Variants in TNN observed in about 807,000 individuals in gnomAD.
TNN encodes the protein tenascin-N.
A neutral mutation model predicts 134.4 loss-of-function variants in TNN; 122 were observed. That is an observed-to-expected ratio of 0.91 (90% CI 0.78 to 1.06). TNN has a LOEUF of 1.06. Ranked by LOEUF, TNN falls within the 50% of genes least tolerant of loss-of-function variation. The pLI is 0.00. For synonymous variants in TNN, 710 were observed against 670.3 expected, an observed-to-expected ratio of 1.06 and a Z score of -0.91; for missense variants, 1,739 against 1,699.4, an observed-to-expected ratio of 1.02 and a Z score of -0.41.
rs767531767 is a variant in TNN at position 175,112,598 on chromosome 1, C to CTTTTTTTTTTTTTTTTTTTTTTT, written c.2120-4326_2120-4304dup. ...TTAAAGATCCATTCAGCCGGCCGATCTTTTTTTTTTTTTTTTTTTTTTTTT... is the reference window on the plus strand; with the variant it reads ...TTAAAGATCCATTCAGCCGGCCGATCTTTTTTTTTTTTTTTTTTTTTTTTTTTTTTTTTTTTTTTTTTTTTTTT... On this transcript the variant is annotated intron_variant, in intron 9 of 18. Transcript: ENST00000239462. 1.4e-3 allele frequency among the ~76,000 whole-genome samples: 30 copies of CTTTTTTTTTTTTTTTTTTTTTTT among 21,990 alleles called. 10 individuals carry two copies. Among genetic ancestry groups the CTTTTTTTTTTTTTTTTTTTTTTT allele is most frequent in the Non-Finnish European group, 1.6e-3 (19 of 12,004 alleles). The allele number at this position is 21,990 out of a possible 152,430, so 14.4% of individuals were successfully genotyped here. A position where few individuals can be genotyped will look rare whatever the true frequency, so the allele number is the denominator to read the frequency against.
chr1:175,096,256 A>G (rs548295734), intron 7 of TNN, among the ~76,000 whole-genome samples: 3 of 152,324 alleles, frequency 2.0e-5, no homozygotes, highest in East Asian at 3.9e-4. Flanking sequence ...CAGTGGAGGC[A>G]GCATATGCAG....
intron 15 of TNN, among the ~76,000 whole-genome samples, chr1:175,135,406 G>C (rs1675773768): frequency 6.6e-6 from 1 of 152,050 alleles, no homozygotes; most frequent in Non-Finnish European, 1.5e-5. Context: ...AGAATCAGGT[G>C]AATTAAAAAA....
chr1:175,138,142 A>G (rs904824196), intron 17 of TNN, among the ~76,000 whole-genome samples: 2 of 152,086 alleles, frequency 1.3e-5, no homozygotes, highest in African/African-American at 4.8e-5. Flanking sequence ...GTACTCAAGG[A>G]CCCCTGATGG....
intron 18 of TNN, among the ~76,000 whole-genome samples, chr1:175,146,242 T>C (rs949976084): frequency 9.8e-5 from 15 of 152,290 alleles, no homozygotes; most frequent in South Asian, 8.3e-4. Context: ...CCCTGAACCA[T>C]CCCATATTTG....
intron 9 of TNN, among the ~76,000 whole-genome samples, chr1:175,108,991 T>A (rs1015643710): frequency 6.6e-6 from 1 of 151,514 alleles, no homozygotes; most frequent in African/African-American, 2.4e-5. Context: ...AAGTGAGGGC[T>A]CTGAGGACTG....
intron 11 of TNN, among the ~76,000 whole-genome samples, chr1:175,119,548 A>C (rs1675288964): frequency 6.6e-6 from 1 of 151,498 alleles, no homozygotes; most frequent in Non-Finnish European, 1.5e-5. Context: ...CCCAGTTCCT[A>C]TTCAAGATGG....
chr1:175,140,781 G>A (rs184017017), intron 17 of TNN, among the ~76,000 whole-genome samples: 25 of 152,226 alleles, frequency 1.6e-4, no homozygotes, highest in African/African-American at 5.1e-4. Flanking sequence ...TATCATTCCC[G>A]CTTTTAAATT....
chr1:175,080,877 A>G (rs758588884), intron 4 of TNN, among the ~76,000 whole-genome samples: 5 of 152,218 alleles, frequency 3.3e-5, no homozygotes, highest in Non-Finnish European at 7.3e-5. Context: ...CAGATTGTTC[A>G]CAAAGGTGTG....
At chr1:175,141,722 G>A (rs1397011495) in intron 17 of TNN, among the ~76,000 whole-genome samples, 1 of 152,150 alleles carries the variant, frequency 6.6e-6, no homozygotes, top group Non-Finnish European at 1.5e-5. Context: ...GGGGGAGAGT[G>A]GGCCTCAGAG....
chr1:175,103,946 G>C (rs1302719470), intron 9 of TNN, among the ~76,000 whole-genome samples: 1 of 145,350 alleles, frequency 6.9e-6, no homozygotes, highest in East Asian at 2.3e-4. Context: ...TCCTTCCAAT[G>C]CCCAGACTTC....
chr1:175,146,864 C>T (rs1248562215), intron 18 of TNN, 67 bp from the exon 19 acceptor site: 3 of 1,413,614 alleles, frequency 2.1e-6, no homozygotes, highest in Non-Finnish European at 1.9e-6. Flanking sequence ...TTCCTTTGTA[C>T]CATAACCCAC....
In TNN at chr1:175,099,447, G is replaced by T. The variant is rs1009604286; in HGVS notation, c.2119+852G>T. 2.6e-5 allele frequency among the ~76,000 whole-genome samples: 4 copies of T among 151,620 alleles called. No individual in the cohort carries two copies. The East Asian group carries it at 7.8e-4, about 29-fold the overall frequency. ...GGGGTCAGAGGAGGAGAAGTGAGGG[G>T]TCAGTAAGGAGGAAAGGTGAGGGGT... On this transcript the variant is annotated intron_variant, in intron 9 of 18. Transcript: ENST00000239462.
intron 3 of TNN, 24 bp downstream of exon 3, chr1:175,079,731 G>A (rs779059618): frequency 2.2e-5 from 34 of 1,552,250 alleles, no homozygotes; most frequent in Non-Finnish European, 1.7e-6. Context: ...TGTGCCCTCG[G>A]GCCGCCGGAC....
intron 13 of TNN, among the ~76,000 whole-genome samples, chr1:175,127,484 G>T (rs547454596): frequency 3.2e-3 from 485 of 152,282 alleles, no homozygotes; most frequent in Non-Finnish European, 4.4e-3. Flanking sequence ...AAGAAGGGAG[G>T]AAATAAAAAC....
chr1:175,111,628 T>G (rs1225017066), intron 9 of TNN, among the ~76,000 whole-genome samples: 1 of 151,918 alleles, frequency 6.6e-6, no homozygotes, highest in Non-Finnish European at 1.5e-5. Flanking sequence ...TTCATAGACA[T>G]AGGATATATT....
chr1:175,146,809 G>T, intron 18 of TNN, 122 bp from the exon 19 acceptor site: 2 of 958,564 alleles, frequency 2.1e-6, no homozygotes, highest in East Asian at 2.8e-5. Context: ...TCTCTCTCCT[G>T]AGCAGAGAGG....
At chr1:175,107,136 A>T (rs1180935635) in intron 9 of TNN, among the ~76,000 whole-genome samples, 1 of 146,254 alleles carries the variant, frequency 6.8e-6, no homozygotes, top group East Asian at 2.3e-4. Context: ...TCTTGGTCTC[A>T]CTGACTTCAA....
In TNN at chr1:175,128,662, T is replaced by A; in HGVS notation, c.3246T>A (p.Gly1082=). The A allele has an allele frequency of 6.2e-7, 1 of 1,614,044 alleles. No individual in the cohort carries two copies. Residue 1082 remains glycine, a synonymous_variant, in exon 15 of 19, where the codon GGT becomes GGA. Transcript: ENST00000239462. The stretch of plus-strand genomic sequence containing the variant: ...AGCAGAACAGCAATGCCGCCAGTGG[T>A]CTGTACACCATCTACCTGCATGGCG... ...QVQQNSNAAS[G]LYTIYLHGDA... is the part of the protein sequence containing the mutation.
chr1:175,070,617 G>A (rs1443629387), intron 1 of TNN, among the ~76,000 whole-genome samples: 1 of 152,158 alleles, frequency 6.6e-6, no homozygotes. Context: ...ATACTTAGCT[G>A]TCTTGTATCC....
Sources: gnomAD v4.1 joint callset for allele counts (sites outside exome capture counted in the v4.1 genomes callset) on GRCh38, gnomAD v4.1.1 for gene constraint, MANE v1.5 for transcripts, NCBI Gene and HGNC (gene_info 2026-07-23, HGNC 2026-07-21) for gene names.